The following SLC4A1 variants were observed in gnomAD, a reference collection of about 807,000 sequenced individuals.
SLC4A1 encodes the protein band 3 anion transport protein.
A neutral mutation model predicts 93.1 loss-of-function variants in SLC4A1; 29 were observed. That is an observed-to-expected ratio of 0.31 (90% CI 0.23 to 0.42). The LOEUF (loss-of-function observed/expected upper bound fraction) is 0.42. SLC4A1 is among the 20% of genes least tolerant of loss of function. SLC4A1 has a pLI of 1.00. For synonymous variants in SLC4A1, 469 were observed against 497.2 expected (o/e 0.94, Z 0.76); for missense variants, 965 against 1,190.1 (o/e 0.81, Z 2.78).
chr17:44,260,527 A>G lies in SLC4A1; in HGVS notation c.362T>C (p.Leu121Pro). 6.2e-7 allele frequency: 1 copy of G among 1,614,202 alleles called. No individual in the cohort carries two copies. The highest frequency in any genetic ancestry group is 8.5e-7 in the Non-Finnish European group (1 of 1,180,010). The change falls in exon 6 of 20, where the codon CTA becomes CCA. Residue 121 changes from leucine (L) to proline (P), a missense_variant. Physicochemically the swap from Leu to Pro is moderately conservative, Grantham distance 98. Transcript: ENST00000262418. ...RRVFTKGTVL[L>P]DLQETSLAGV... ...AGCCAGGGAGGTCTCTTGCAGGTCT[A>G]GGAGGACAGTACCTGCAGGCAGTGG...
Position 44,258,010 on chromosome 17 carries a change from C to T in SLC4A1, c.1258G>A (p.Ala420Thr), listed in dbSNP as rs142905862. The change falls in exon 11 of 20, where the codon GCC (alanine) becomes ACC (threonine). Residue 420 changes from alanine to threonine, a missense_variant. Ala to Thr is a moderately conservative substitution (Grantham distance 58, BLOSUM62 0). Coordinates refer to ENST00000262418, the MANE Select transcript of SLC4A1 (RefSeq NM_000342.4). This position sits in a 1 kb window ranked among gnomAD's most constrained non-coding sequence, Gnocchi z 6.1. ...CCCAGGAGGCCGCCGAAGGTGATGG[C>T]GGGTGACAGTGCAGCAAAGTAGATG... is the stretch of plus-strand genomic sequence containing the variant. ...IFIYFAALSP[A>T]ITFGGLLGEK... 1.5e-4 allele frequency: 245 copies of T among 1,614,046 alleles called. 2 individuals are homozygous for T. The highest frequency in any genetic ancestry group is 1.5e-3 in the South Asian group (133 of 91,076).
intron 3 of SLC4A1, chr17:44,261,907 T>C: frequency 9.5e-7 from 1 of 1,056,900 alleles, no homozygotes. Context: ...TCCGCAGTGA[T>C]GAAGTGAAGG....
At chr17:44,263,781 C>T (rs1278270120) in intron 1 of SLC4A1, among the ~76,000 whole-genome samples, 3 of 143,980 alleles carry the variant, frequency 2.1e-5, no homozygotes, top group East Asian at 4.2e-4. Flanking sequence ...CTCTCTCTTC[C>T]TTTTTGAGAC....
rs201611359 is a variant in SLC4A1, at chr17:44,259,895, G to T, written c.523C>A (p.Pro175Thr). The T allele has an allele frequency of 2.4e-5, 38 of 1,614,078 alleles. No individual in the cohort carries two copies. In the Admixed American group the frequency reaches 5.2e-4, roughly 22 times the overall value. The change falls in exon 7 of 20, where the codon CCT becomes ACT. Residue 175 changes from proline (P) to threonine (T), a missense_variant. By Grantham distance (38) the Pro-to-Thr change is conservative. This residue lies in a region of SLC4A1 where 770 missense variants were observed against 1,006.6 expected (regional missense o/e 0.76). Transcript: ENST00000262418. ...GELEALGGVK[P>T]AVLTRSGDPS... is the part of the protein sequence containing the mutation. ...TCCCCAGAGCGTGTCAGGACTGCAG[G>T]CTTCACACCCCCCAGGGCCTCCAGC...
Position 44,261,581 on chromosome 17 carries a change from G to A in SLC4A1, c.162C>T (p.Thr54=). 6.2e-7 allele frequency: 1 copy of A among 1,614,156 alleles called. No homozygotes were observed. The highest frequency in any genetic ancestry group is 1.1e-5 in the South Asian group (1 of 91,080). Residue 54 remains threonine, a synonymous_variant, in exon 4 of 20, where the codon ACC becomes ACT. Coordinates refer to ENST00000262418, the MANE Select transcript of SLC4A1 (RefSeq NM_000342.4). ...AGGAGGCTGGGGTCCTCACCTTGTG[G>A]GTACCCGGGTGTGATGTGGTGTGGT... is the stretch of plus-strand genomic sequence containing the variant. ...TDYHTTSHPG[T]HKVYVELQEL... is the part of the protein sequence containing the mutation.
intron 4 of SLC4A1, among the ~76,000 whole-genome samples, chr17:44,261,230 G>A (rs950294735): frequency 1.3e-5 from 2 of 152,242 alleles, no homozygotes; most frequent in Non-Finnish European, 2.9e-5. Context: ...CACTTAGACA[G>A]TTCAGTGCCC....
At chr17:44,252,265 G>C (rs1365285993) in intron 17 of SLC4A1, among the ~76,000 whole-genome samples, 2 of 151,932 alleles carry the variant, frequency 1.3e-5, no homozygotes, top group South Asian at 2.1e-4. Flanking sequence ...ATGTTGGACA[G>C]GGTGACCCAC....
intron 17 of SLC4A1, among the ~76,000 whole-genome samples, chr17:44,252,380 CA>C (rs902508468): frequency 1.6e-4 from 24 of 152,134 alleles, no homozygotes; most frequent in African/African-American, 5.8e-4. Flanking sequence ...GATGAGGAAA[CA>C]GGCTCAGAGA....
chr17:44,251,379 C>T, intron 18 of SLC4A1, 40 bp downstream of exon 18: 1 of 1,614,242 alleles, frequency 6.2e-7, no homozygotes. Context: ...CCAGCACCCT[C>T]TACCACCCCA....
At chr17:44,261,925 C>A in intron 3 of SLC4A1, 1 of 1,126,868 alleles carries the variant, frequency 8.9e-7, no homozygotes, top group East Asian at 3.6e-5. Flanking sequence ...AGGGACCTCT[C>A]CAAGGTGACG....
At position 44,261,650 on chromosome 17, in the gene SLC4A1, G is replaced by T. The variant is rs745812253; in HGVS notation, c.107-14C>A. The T allele has an allele frequency of 2.5e-6, 4 of 1,614,002 alleles. No individual in the cohort carries two copies. Among genetic ancestry groups the T allele is most frequent in the Non-Finnish European group, 3.4e-6 (4 of 1,179,992 alleles). On this transcript the variant is annotated splice_polypyrimidine_tract_variant and intron_variant, in intron 3 of 19. Coordinates refer to ENST00000262418, the MANE Select transcript of SLC4A1 (RefSeq NM_000342.4). ...CGGTGTCGTGAGCTGAAAACCAGAGGTCGGTTAGTATTGACCTGACCGTCC... is the reference window on the plus strand; with the variant it reads ...CGGTGTCGTGAGCTGAAAACCAGAGTTCGGTTAGTATTGACCTGACCGTCC...
rs2047403500 is a variant in SLC4A1, at chr17:44,257,819, G to A, written c.1283-12C>T. 1.2e-6 allele frequency: 2 copies of A among 1,613,420 alleles called. No homozygotes were observed. Among genetic ancestry groups the A allele is most frequent in the Non-Finnish European group, 1.7e-6 (2 of 1,180,006 alleles). ...CCGGGTCTTTTCTCCTGTGGGTAGA[G>A]GTCACAGTGGGATCAAGGTCAGGAG... On this transcript the variant is annotated splice_polypyrimidine_tract_variant and intron_variant, in intron 11 of 19. Coordinates refer to ENST00000262418, the MANE Select transcript of SLC4A1 (RefSeq NM_000342.4).
Position 44,257,694 on chromosome 17 carries a change from C to T in SLC4A1, c.1396G>A (p.Gly466Arg). ...GCTTCCTCAAACACCAGCAGGGGTC[C>T]TGAGAAGCCGACCACAAGCAGGGGC... ...AQPLLVVGFSGPLLVFEEAFF... is the reference protein window; with the variant it reads ...AQPLLVVGFSRPLLVFEEAFF... The change falls in exon 12 of 20, where the codon GGA (glycine) becomes AGA (arginine). Residue 466 changes from glycine (G) to arginine (R), a missense_variant. Gly to Arg is a moderately radical substitution (Grantham distance 125). Transcript: ENST00000262418. 1 of 1,613,890 alleles carries T rather than the reference C, an allele frequency of 6.2e-7. No homozygotes were observed. The highest frequency in any genetic ancestry group is 8.5e-7 in the Non-Finnish European group (1 of 1,179,970).
At chr17:44,254,713 G>T in intron 15 of SLC4A1, 51 bp from the exon 16 acceptor site, 2 of 1,585,290 alleles carry the variant, frequency 1.3e-6, no homozygotes, top group South Asian at 2.2e-5. Context: ...GGATGGGGAA[G>T]GGTGGGAGCA....
At chr17:44,266,319 T>C (rs528966717) in intron 1 of SLC4A1, among the ~76,000 whole-genome samples, 1 of 152,336 alleles carries the variant, frequency 6.6e-6, no homozygotes, top group East Asian at 1.9e-4. Context: ...GACTTGCCCA[T>C]GCACTTTCTT....
chr17:44,257,270 G>T, intron 13 of SLC4A1, 80 bp downstream of exon 13: 1 of 1,404,542 alleles, frequency 7.1e-7, no homozygotes. Flanking sequence ...GAGATTACAG[G>T]CCTGAGCCCT....
At chr17:44,253,402 G>A in intron 16 of SLC4A1, 31 bp from the exon 17 acceptor site, 1 of 1,597,312 alleles carries the variant, frequency 6.3e-7, no homozygotes, top group South Asian at 1.1e-5. Flanking sequence ...GGGTAAGCAG[G>A]GTTCTCCCCT....
At chr17:44,255,639 T>C (rs2047382218) in intron 14 of SLC4A1, 34 bp downstream of exon 14, 1 of 1,608,212 alleles carries the variant, frequency 6.2e-7, no homozygotes. Flanking sequence ...GATAGGGCAG[T>C]GTTGGCAAGG....
chr17:44,262,067 G>A (rs912638217), intron 3 of SLC4A1: 12 of 1,119,512 alleles, frequency 1.1e-5, no homozygotes, highest in African/African-American at 3.2e-5. Flanking sequence ...TCACTGAGCT[G>A]AGGCACCAGG....
Sources: gnomAD v4.1 joint callset for allele counts (sites outside exome capture counted in the v4.1 genomes callset) on GRCh38, gnomAD v4.1.1 for gene constraint, gnomAD v4.1.1 regional missense constraint, Gnocchi (gnomAD v3.1) non-coding constraint, MANE v1.5 for transcripts, NCBI Gene and HGNC (gene_info 2026-07-23, HGNC 2026-07-21) for gene names.